MTSS1: variants seen among roughly 807,000 people sequenced by gnomAD.
MTSS1 encodes MTSS I-BAR domain containing 1.
A neutral mutation model predicts 79.0 loss-of-function variants in MTSS1; 18 were observed. That is an observed-to-expected ratio of 0.23 (90% confidence interval 0.16 to 0.34). The LOEUF (loss-of-function observed/expected upper bound fraction) is 0.34. MTSS1 is among the 10% of genes least tolerant of loss of function. The pLI is 1.00. For missense variants in MTSS1, 815 were observed against 986.2 expected, an observed-to-expected ratio of 0.83 and a Z score of 2.33; for synonymous variants, 341 against 368.6, an observed-to-expected ratio of 0.93 and a Z score of 0.86.
chr8:124,563,024 C>T, intron 9 of MTSS1, 32 bp from the exon 10 acceptor site: 2 of 1,563,866 alleles, frequency 1.3e-6, no homozygotes, highest in Non-Finnish European at 1.7e-6. Context: ...GAGGGGTGGG[C>T]ACGGAAGGTA....
At chr8:124,685,662 CA>C (rs140667306) in intron 3 of MTSS1, among the ~76,000 whole-genome samples, 3,894 of 152,202 alleles carry the variant, frequency 0.026, 169 homozygotes, top group African/African-American at 0.09. Context: ...GGGAGACAGC[CA>C]AAAACCCCAC....
intron 7 of MTSS1, chr8:124,567,838 C>G: frequency 6.7e-7 from 1 of 1,496,318 alleles, no homozygotes; most frequent in East Asian, 2.5e-5. Context: ...ACCTTCGAAT[C>G]AGCTTCCAGA....
Position 124,663,412 on chromosome 8 carries a change from G to A in MTSS1, c.208+36114C>T, listed in dbSNP as rs1212001428. ...AAACCACCAACCCCTGTGCTCACTC[G>A]GCCCTCCCATCCCCCTTCCTCAAAT... On this transcript the variant is annotated intron_variant, in intron 3 of 13. Transcript: ENST00000518547. Among the ~76,000 whole-genome samples the A allele has an allele frequency of 7.2e-5, 11 of 152,000 alleles. No homozygotes were observed. The East Asian group carries it at 1.6e-3, about 21-fold the overall frequency.
intron 3 of MTSS1, among the ~76,000 whole-genome samples, chr8:124,603,753 T>C (rs866651442): frequency 3.3e-5 from 5 of 152,292 alleles, no homozygotes; most frequent in Middle Eastern, 3.4e-3. Context: ...TCTCCAATCA[T>C]TAGAGACCCT....
chr8:124,709,278 T>C (rs1830815288), intron 1 of MTSS1, among the ~76,000 whole-genome samples: 1 of 152,106 alleles, frequency 6.6e-6, no homozygotes, highest in Admixed American at 6.5e-5. Context: ...TGCATCTGCA[T>C]CCACCCACCA....
intron 3 of MTSS1, among the ~76,000 whole-genome samples, chr8:124,644,981 T>C (rs766336366): frequency 1.3e-5 from 2 of 152,220 alleles, no homozygotes; most frequent in Non-Finnish European, 2.9e-5. Context: ...CTACTATATA[T>C]GTGGCATTGA....
chr8:124,623,593 G>A (rs931320430), intron 3 of MTSS1, among the ~76,000 whole-genome samples: 2 of 152,166 alleles, frequency 1.3e-5, no homozygotes, highest in African/African-American at 4.8e-5. Context: ...AAAAACCAAA[G>A]AGCACCTGAA....
intron 5 of MTSS1, among the ~76,000 whole-genome samples, chr8:124,586,582 C>A (rs1458106018): frequency 6.6e-6 from 1 of 152,204 alleles, no homozygotes; most frequent in African/African-American, 2.4e-5. Flanking sequence ...CATGTCTGAG[C>A]ATCTTGGGCT....
At chr8:124,573,892 C>T (rs1828402461) in intron 6 of MTSS1, among the ~76,000 whole-genome samples, 1 of 152,198 alleles carries the variant, frequency 6.6e-6, no homozygotes, top group Non-Finnish European at 1.5e-5. Context: ...TATCCCCCCA[C>T]CCCAGGGGAT....
chr8:124,553,787 A>G lies in MTSS1; in HGVS notation c.1568-95T>C. 1 of 1,098,816 alleles carries G rather than the reference A, an allele frequency of 9.1e-7. No individual in the cohort carries two copies. The highest frequency in any genetic ancestry group is 1.5e-5 in the South Asian group (1 of 64,802). 68.1% of individuals were successfully genotyped at this position (1,098,816 alleles called of 1,614,324 possible). ...GGACAAAAGGCACGCAAGGCAGGGT[A>G]CACACACAGTCTCATCCCAAGCTTC... On this transcript the variant is annotated intron_variant, in intron 13 of 13. Transcript: ENST00000518547. This position sits in a 1 kb window ranked among gnomAD's most constrained non-coding sequence, Gnocchi z 6.0.
At chr8:124,649,951 T>C (rs1352592729) in intron 3 of MTSS1, among the ~76,000 whole-genome samples, 1 of 151,718 alleles carries the variant, frequency 6.6e-6, no homozygotes, top group East Asian at 1.9e-4. Context: ...CTTTCATCCT[T>C]TTAACAGACA....
intron 3 of MTSS1, chr8:124,698,055 T>C (rs1423683393): frequency 1.3e-5 from 2 of 152,250 alleles, no homozygotes; most frequent in Admixed American, 6.5e-5. Context: ...TGAAATTCTT[T>C]ATTTATACTT....
chr8:124,636,362 C>G (rs563891974), intron 3 of MTSS1, among the ~76,000 whole-genome samples: 2 of 152,318 alleles, frequency 1.3e-5, no homozygotes, highest in Non-Finnish European at 1.5e-5. Context: ...AACTCCTGAC[C>G]TCAAGTGATC....
chr8:124,573,565 T>G (rs1345047471), intron 6 of MTSS1, among the ~76,000 whole-genome samples: 2 of 152,214 alleles, frequency 1.3e-5, no homozygotes, highest in African/African-American at 2.4e-5. Flanking sequence ...CGGCAGGTGT[T>G]CAAATATTTG....
At chr8:124,695,106 G>T (rs1051430194) in intron 3 of MTSS1, among the ~76,000 whole-genome samples, 10 of 152,092 alleles carry the variant, frequency 6.6e-5, no homozygotes, top group African/African-American at 1.9e-4. Flanking sequence ...TGCTCTTATA[G>T]TGACTAGTAT....
At chr8:124,607,344 TG>T (rs1835049497) in intron 3 of MTSS1, among the ~76,000 whole-genome samples, 1 of 152,262 alleles carries the variant, frequency 6.6e-6, no homozygotes, top group African/African-American at 2.4e-5. Flanking sequence ...CAAACTCATC[TG>T]GGGTCATTTA....
At chr8:124,602,878 C>T (rs942757365) in intron 3 of MTSS1, among the ~76,000 whole-genome samples, 11 of 152,138 alleles carry the variant, frequency 7.2e-5, no homozygotes, top group Admixed American at 3.3e-4. Flanking sequence ...TATTGTGCTA[C>T]GAAGTAAAGA....
intron 3 of MTSS1, among the ~76,000 whole-genome samples, chr8:124,594,687 C>G (rs760335349): frequency 2.1e-4 from 32 of 152,224 alleles, no homozygotes; most frequent in Non-Finnish European, 5.9e-5. Context: ...AACTTCCAAA[C>G]AGCAGTGTCT....
intron 3 of MTSS1, among the ~76,000 whole-genome samples, chr8:124,654,381 C>T: frequency 6.6e-6 from 1 of 152,184 alleles, no homozygotes; most frequent in Admixed American, 6.5e-5. Flanking sequence ...TTCCCATCCA[C>T]TCTCTCCACC....
Sources: allele counts gnomAD v4.1 joint callset (sites outside exome capture counted in the v4.1 genomes callset), GRCh38; gene constraint gnomAD v4.1.1; non-coding constraint Gnocchi (gnomAD v3.1); transcripts MANE v1.5; gene names NCBI Gene and HGNC (gene_info 2026-07-23, HGNC 2026-07-21).